Variants in RBMS3 observed in about 807,000 individuals in gnomAD.
The protein encoded by RBMS3 is RNA binding motif single stranded interacting protein 3, also known as RNA-binding motif, single-stranded-interacting protein 3.
In RBMS3, 27 loss-of-function variants were observed where a neutral mutation model predicts 66.8. The observed-to-expected ratio is 0.40, with a 90% CI of 0.30 to 0.56. The LOEUF is 0.56. Among genes scored for constraint, RBMS3 ranks in the 20% least tolerant of loss-of-function variants. RBMS3 has a pLI of 0.40. For missense variants in RBMS3, 513 were observed against 549.5 expected (o/e 0.93, Z 0.66); for synonymous variants, 188 against 183.0 (o/e 1.03, Z -0.22).
intron 6 of RBMS3, among the ~76,000 whole-genome samples, chr3:29,798,490 GT>G (rs2057286746): frequency 6.6e-6 from 1 of 152,062 alleles, no homozygotes; most frequent in African/African-American, 2.4e-5. Flanking sequence ...GCAGAAGGCT[GT>G]GTCAAAATTG....
chr3:29,834,457 G>T (rs1025920912), intron 6 of RBMS3, among the ~76,000 whole-genome samples: 1 of 151,806 alleles, frequency 6.6e-6, no homozygotes, highest in Non-Finnish European at 1.5e-5. Flanking sequence ...AAAATGGGGT[G>T]GGCAGCAGTG....
At chr3:29,704,739 C>T (rs1398034890) in intron 4 of RBMS3, among the ~76,000 whole-genome samples, 1 of 152,126 alleles carries the variant, frequency 6.6e-6, no homozygotes, top group East Asian at 1.9e-4. Context: ...TGATTTCAGA[C>T]TTTCTGATTG....
chr3:29,951,453 T>C (rs867490157), intron 12 of RBMS3, among the ~76,000 whole-genome samples: 13 of 149,718 alleles, frequency 8.7e-5, no homozygotes, highest in Middle Eastern at 3.5e-3. Flanking sequence ...GCTTAGCTTT[T>C]CTCTCCTTAA....
chr3:29,571,578 C>A (rs181497624), intron 3 of RBMS3, among the ~76,000 whole-genome samples: 80 of 151,952 alleles, frequency 5.3e-4, no homozygotes, highest in African/African-American at 1.8e-3. Context: ...AAAATGAGTT[C>A]ACTGTAGGTA....
At chr3:29,702,609 C>T (rs950042180) in intron 4 of RBMS3, among the ~76,000 whole-genome samples, 2 of 152,158 alleles carry the variant, frequency 1.3e-5, no homozygotes, top group African/African-American at 2.4e-5. Flanking sequence ...AGCTTCATTC[C>T]TGAGGCCAGC....
intron 14 of RBMS3, among the ~76,000 whole-genome samples, chr3:29,992,894 G>C (rs888760916): frequency 1.3e-5 from 2 of 152,114 alleles, no homozygotes; most frequent in African/African-American, 4.8e-5. Flanking sequence ...CTAAAACTAG[G>C]CTATAAAGAA....
At chr3:29,448,039 A>T (rs1418682183) in intron 2 of RBMS3, among the ~76,000 whole-genome samples, 1 of 152,190 alleles carries the variant, frequency 6.6e-6, no homozygotes, top group Non-Finnish European at 1.5e-5. Context: ...GACTTGTTTC[A>T]CTGATTCATG....
At chr3:29,729,347 A>G (rs1004544168) in intron 4 of RBMS3, among the ~76,000 whole-genome samples, 7 of 152,120 alleles carry the variant, frequency 4.6e-5, no homozygotes, top group Non-Finnish European at 5.9e-5. Flanking sequence ...ATAGTATTCC[A>G]TGGTGTATAT....
At chr3:29,616,838 T>A (rs1373388399) in intron 4 of RBMS3, 2 of 152,216 alleles carry the variant, frequency 1.3e-5, no homozygotes, top group African/African-American at 4.8e-5. Context: ...TGTAGAGGAA[T>A]CAATGTTTAT....
At chr3:29,672,024 G>A (rs1256558830) in intron 4 of RBMS3, among the ~76,000 whole-genome samples, 1 of 152,094 alleles carries the variant, frequency 6.6e-6, no homozygotes, top group East Asian at 1.9e-4. Flanking sequence ...ATATGTTAAG[G>A]GCAGCCAGAG....
At chr3:29,356,315 T>C (rs530913967) in intron 1 of RBMS3, among the ~76,000 whole-genome samples, 7 of 152,268 alleles carry the variant, frequency 4.6e-5, no homozygotes, top group Admixed American at 2.6e-4. Flanking sequence ...CTCAGTAAAG[T>C]AGTGATGGGA....
chr3:29,791,531 C>G (rs576104120), intron 6 of RBMS3, among the ~76,000 whole-genome samples: 2 of 152,200 alleles, frequency 1.3e-5, no homozygotes, highest in South Asian at 4.2e-4. Flanking sequence ...CTAGAAAATT[C>G]CTTTTTGAAA....
chr3:29,754,354 C>A lies in RBMS3; in HGVS notation c.558-8556C>A, dbSNP rs567517836. Among the ~76,000 whole-genome samples the A allele has an allele frequency of 2.0e-5, 3 of 152,318 alleles. No homozygotes were observed. The East Asian group carries it at 5.8e-4, about 29-fold the overall frequency. ...AATCAGCAGAGACTCTAGAGAATAA[C>A]AAATGGAACTCCTACCTTACAGTAG... is the stretch of plus-strand genomic sequence containing the variant. On this transcript the variant is annotated intron_variant, in intron 5 of 14. Transcript: ENST00000383767.
chr3:29,506,831 GT>G (rs1283428556), intron 3 of RBMS3, among the ~76,000 whole-genome samples: 1 of 151,662 alleles, frequency 6.6e-6, no homozygotes, highest in African/African-American at 2.4e-5. Context: ...GTCTAAGAAT[GT>G]ATCCATTTTT....
At chr3:29,292,103 A>G (rs776343092) in intron 1 of RBMS3, among the ~76,000 whole-genome samples, 1 of 151,668 alleles carries the variant, frequency 6.6e-6, no homozygotes, top group Non-Finnish European at 1.5e-5. Flanking sequence ...TTGATTCTCT[A>G]TCTAATTACT....
At chr3:29,779,725 A>ATATATAT (rs1301512844) in intron 6 of RBMS3, among the ~76,000 whole-genome samples, 5 of 144,906 alleles carry the variant, frequency 3.5e-5, no homozygotes, top group Admixed American at 6.9e-5. Context: ...ATATATATAT[A>ATATATAT]AACAACCCCA....
At chr3:29,877,064 C>T (rs555309016) in intron 7 of RBMS3, among the ~76,000 whole-genome samples, 1 of 152,004 alleles carries the variant, frequency 6.6e-6, no homozygotes, top group East Asian at 1.9e-4. Flanking sequence ...TCATAAACAC[C>T]GAAACAAGAG....
At chr3:29,465,553 T>G (rs1017444028) in intron 2 of RBMS3, among the ~76,000 whole-genome samples, 3 of 151,832 alleles carry the variant, frequency 2.0e-5, no homozygotes, top group Non-Finnish European at 4.4e-5. Context: ...TTTTTTTTTT[T>G]TTTTCTGTAA....
intron 1 of RBMS3, among the ~76,000 whole-genome samples, chr3:29,414,397 A>G (rs146406780): frequency 6.6e-6 from 1 of 152,318 alleles, no homozygotes; most frequent in African/African-American, 2.4e-5. Flanking sequence ...ATAACCACCA[A>G]GGTCTTTTAG....
Sources: allele counts gnomAD v4.1 joint callset (sites outside exome capture counted in the v4.1 genomes callset), GRCh38; gene constraint gnomAD v4.1.1; transcripts MANE v1.5; gene names NCBI Gene and HGNC (gene_info 2026-07-23, HGNC 2026-07-21).